Variants in MAN1C1 observed in about 807,000 individuals in gnomAD.
MAN1C1 encodes mannosidase alpha class 1C member 1, also known as mannosyl-oligosaccharide 1,2-alpha-mannosidase IC.
In MAN1C1, 49 loss-of-function variants were observed where a neutral mutation model predicts 71.5. The ratio of observed to expected loss-of-function variants is 0.69; its 90% CI spans 0.54 to 0.87. The LOEUF (loss-of-function observed/expected upper bound fraction) is 0.87. Ranked by LOEUF, MAN1C1 falls within the 40% of genes least tolerant of loss-of-function variation. The pLI, the probability that MAN1C1 is intolerant of heterozygous loss-of-function variation, is 0.00. For missense variants in MAN1C1, 743 were observed against 835.0 expected (o/e 0.89, Z 1.36); for synonymous variants, 352 against 343.7 (o/e 1.02, Z -0.27).
chr1:25,651,015 G>C (rs2045684064), intron 1 of MAN1C1, among the ~76,000 whole-genome samples: 2 of 152,104 alleles, frequency 1.3e-5, no homozygotes, highest in Non-Finnish European at 2.9e-5. Flanking sequence ...GACCTGGAGG[G>C]GGTTGGCTTA....
chr1:25,769,490 A>AG lies in MAN1C1; in HGVS notation c.1142-2167_1142-2166insG, dbSNP rs745977080. Among the ~76,000 whole-genome samples, 3 of 151,916 alleles carry AG rather than the reference A, an allele frequency of 2.0e-5. No individual in the cohort carries two copies. Among genetic ancestry groups the AG allele is most frequent in the Non-Finnish European group, 4.4e-5 (3 of 67,968 alleles). On this transcript the variant is annotated intron_variant, in intron 7 of 11. Transcript: ENST00000374332. This position sits in a 1 kb window ranked among gnomAD's most constrained non-coding sequence, Gnocchi z 4.8. ...AGGCAGCTGCATCTCAACACCGCGG[A>AG]CCCTAATGACCTGGCTCCCTCCCCT...
chr1:25,689,151 A>G (rs1236849788), intron 2 of MAN1C1, among the ~76,000 whole-genome samples: 1 of 152,156 alleles, frequency 6.6e-6, no homozygotes, highest in Non-Finnish European at 1.5e-5. Flanking sequence ...CTGGGGATAC[A>G]GGGATAAATG....
chr1:25,693,217 T>C (rs745649900), intron 2 of MAN1C1, among the ~76,000 whole-genome samples: 8 of 152,228 alleles, frequency 5.3e-5, no homozygotes, highest in Non-Finnish European at 8.8e-5. Flanking sequence ...ATATTCACTG[T>C]CCATTAAGTG....
In MAN1C1 at chr1:25,617,850, G is replaced by A. The variant is rs576515536; in HGVS notation, c.53G>A (p.Arg18Gln). ...GTCCCGGCCTCCCCGTGGGGGCTGCGGCTGCCGCAGAAGTTCCTCTTCCTC... is the reference window on the plus strand; with the variant it reads ...GTCCCGGCCTCCCCGTGGGGGCTGCAGCTGCCGCAGAAGTTCCTCTTCCTC... ...GFVPASPWGL[R>Q]LPQKFLFLLF... Residue 18 changes from arginine to glutamine, a missense_variant, in exon 1 of 12, where the codon CGG (arginine) becomes CAG (glutamine). Transcript: ENST00000374332. The surrounding 1 kb of genome is among the most constrained non-coding windows in gnomAD (Gnocchi z 5.1). 7 of 1,606,238 alleles carry A rather than the reference G, an allele frequency of 4.4e-6. No homozygotes were observed. Among genetic ancestry groups the A allele is most frequent in the Admixed American group, 3.4e-5 (2 of 59,408 alleles).
chr1:25,711,641 C>T lies in MAN1C1; in HGVS notation c.637+25105C>T, dbSNP rs992693840. Among the ~76,000 whole-genome samples the T allele has an allele frequency of 2.0e-5, 3 of 150,090 alleles. No individual in the cohort carries two copies. Among genetic ancestry groups the T allele is most frequent in the African/African-American group, 4.9e-5 (2 of 40,658 alleles). ...ACTGTGTGCCAGGCCCTGCTCCCTG[C>T]GGCCCCGCCCCTCCTCCCTGCGGCC... is the stretch of plus-strand genomic sequence containing the variant. On this transcript the variant is annotated intron_variant, in intron 2 of 11. Transcript: ENST00000374332. This position sits in a 1 kb window ranked among gnomAD's most constrained non-coding sequence, Gnocchi z 4.3.
intron 1 of MAN1C1, among the ~76,000 whole-genome samples, chr1:25,623,581 T>C (rs1321627297): frequency 6.6e-6 from 1 of 152,156 alleles, no homozygotes; most frequent in East Asian, 1.9e-4. Flanking sequence ...AAATAAATAT[T>C]GTGATATATA....
intron 1 of MAN1C1, among the ~76,000 whole-genome samples, chr1:25,672,513 T>C (rs967428655): frequency 1.3e-5 from 2 of 152,152 alleles, no homozygotes; most frequent in Non-Finnish European, 2.9e-5. Context: ...ATGGCCACCT[T>C]CCTCCATCTT....
chr1:25,746,329 A>G lies in MAN1C1; in HGVS notation c.638-339A>G, dbSNP rs1281603086. ...CAAAAACAAACAAACAAAGATTTTTATATGCCAAAGCAGAGAAAAGTGGGT... is the reference window on the plus strand; with the variant it reads ...CAAAAACAAACAAACAAAGATTTTTGTATGCCAAAGCAGAGAAAAGTGGGT... On this transcript the variant is annotated intron_variant, in intron 2 of 11. Coordinates refer to ENST00000374332, the MANE Select transcript of MAN1C1 (RefSeq NM_020379.4). The surrounding 1 kb of genome is among the most constrained non-coding windows in gnomAD (Gnocchi z 4.0). Among the ~76,000 whole-genome samples the G allele has an allele frequency of 6.6e-6, 1 of 152,124 alleles. No homozygotes were observed. The highest frequency in any genetic ancestry group is 2.4e-5 in the African/African-American group (1 of 41,378).
intron 2 of MAN1C1, among the ~76,000 whole-genome samples, chr1:25,688,960 T>C (rs941332573): frequency 3.3e-5 from 5 of 152,108 alleles, no homozygotes; most frequent in Admixed American, 2.0e-4. Flanking sequence ...CCAGTACATG[T>C]AGCGTTCCTA....
intron 1 of MAN1C1, among the ~76,000 whole-genome samples, chr1:25,657,688 C>T (rs145531496): frequency 5.3e-5 from 8 of 152,278 alleles, no homozygotes; most frequent in African/African-American, 1.9e-4. Flanking sequence ...ATTGATACAG[C>T]CGGAGCCATA....
intron 7 of MAN1C1, 85 bp from the exon 8 acceptor site, chr1:25,771,572 T>C: frequency 9.9e-7 from 1 of 1,006,810 alleles, no homozygotes; most frequent in Non-Finnish European, 1.6e-6. Context: ...ACCGGGCCCC[T>C]GAGGTCAGGC....
At chr1:25,638,575 C>A (rs1030945447) in intron 1 of MAN1C1, among the ~76,000 whole-genome samples, 3 of 123,470 alleles carry the variant, frequency 2.4e-5, no homozygotes, top group African/African-American at 9.2e-5. Flanking sequence ...TGTAGATCTG[C>A]TGGTGACAAA....
chr1:25,768,293 A>C (rs2047482060), intron 7 of MAN1C1, among the ~76,000 whole-genome samples: 1 of 89,670 alleles, frequency 1.1e-5, no homozygotes, highest in Non-Finnish European at 2.1e-5. Context: ...CTCCCCTCAC[A>C]CACACGCATT....
chr1:25,618,331 C>A lies in MAN1C1; in HGVS notation c.534C>A (p.Ile178=). The A allele has an allele frequency of 6.3e-7, 1 of 1,599,862 alleles. No homozygotes were observed. The highest frequency in any genetic ancestry group is 8.5e-7 in the Non-Finnish European group (1 of 1,175,332). ...QSQVRAQREK[I]KEMMQFAWQS... is the part of the protein sequence containing the mutation. ...AAGTGCGAGCCCAGCGGGAGAAAAT[C>A]AAGGAGGTATGGACTCAGCCCCCAA... The change falls in exon 1 of 12, where the codon ATC becomes ATA. Residue 178 remains isoleucine, a synonymous_variant. Transcript: ENST00000374332.
chr1:25,713,631 AC>A (rs997528341), intron 2 of MAN1C1, among the ~76,000 whole-genome samples: 5 of 152,100 alleles, frequency 3.3e-5, no homozygotes, highest in Non-Finnish European at 7.4e-5. Context: ...TTTATATAGG[AC>A]TGTTGGGCCC....
intron 1 of MAN1C1, among the ~76,000 whole-genome samples, chr1:25,625,388 A>G (rs1052956203): frequency 2.0e-5 from 3 of 152,174 alleles, no homozygotes; most frequent in African/African-American, 7.2e-5. Context: ...TATACAGAAC[A>G]TTTCCATCAT....
Position 25,710,107 on chromosome 1 carries a change from G to C in MAN1C1, c.637+23571G>C, listed in dbSNP as rs2046594482. The C allele has an allele frequency of 2.0e-5, 3 of 152,098 alleles. No homozygotes were observed. In the South Asian group the frequency reaches 6.2e-4, roughly 32 times the overall value. The allele number at this position is 152,098 out of a possible 1,614,324, so 9.4% of individuals were successfully genotyped here. A position where few individuals can be genotyped will look rare whatever the true frequency, so the allele number is the denominator to read the frequency against. ...ATTTATATACTCATTCTGCATTTTTGTTCAATCCATACTCTGCTAAGCACT... is the reference window on the plus strand; with the variant it reads ...ATTTATATACTCATTCTGCATTTTTCTTCAATCCATACTCTGCTAAGCACT... On this transcript the variant is annotated intron_variant, in intron 2 of 11. Transcript: ENST00000374332.
chr1:25,763,389 T>C (rs1208575811), intron 6 of MAN1C1, among the ~76,000 whole-genome samples: 2 of 147,906 alleles, frequency 1.4e-5, no homozygotes, highest in African/African-American at 2.5e-5. Flanking sequence ...CTCAGGAGGC[T>C]GAGGCACGAA....
At chr1:25,670,829 T>C (rs1034112466) in intron 1 of MAN1C1, among the ~76,000 whole-genome samples, 3 of 152,230 alleles carry the variant, frequency 2.0e-5, no homozygotes, top group Non-Finnish European at 4.4e-5. Flanking sequence ...TTTGTTGTCA[T>C]GGTTAAGACT....
Sources: gnomAD v4.1 joint callset for allele counts (sites outside exome capture counted in the v4.1 genomes callset) on GRCh38, gnomAD v4.1.1 for gene constraint, Gnocchi (gnomAD v3.1) non-coding constraint, MANE v1.5 for transcripts, NCBI Gene and HGNC (gene_info 2026-07-23, HGNC 2026-07-21) for gene names.